The following PCDH11X variants were observed in gnomAD, a reference collection of about 807,000 sequenced individuals.
The protein encoded by PCDH11X is protocadherin-11 X-linked.
A neutral mutation model predicts 53.3 loss-of-function variants in PCDH11X; 18 were observed. The ratio of observed to expected loss-of-function variants is 0.34; its 90% confidence interval spans 0.23 to 0.50. The LOEUF is 0.50. Among genes scored for constraint, PCDH11X ranks in the 20% least tolerant of loss-of-function variants. The probability of loss-of-function intolerance (pLI) is 0.98; values close to 1 mark genes in which losing one functional copy is unlikely to be tolerated. For missense variants in PCDH11X, 570 were observed against 1,032.4 expected, an observed-to-expected ratio of 0.55 and a Z score of 6.14; for synonymous variants, 279 against 393.3, an observed-to-expected ratio of 0.71 and a Z score of 3.44.
chrX:92,130,270 C>T (rs915870134), intron 6 of PCDH11X, among the ~76,000 whole-genome samples: 2 of 111,066 alleles, frequency 1.8e-5, no homozygotes, highest in Non-Finnish European at 3.8e-5. Flanking sequence ...AATTCCTTGA[C>T]TAGCCATCTA....
intron 10 of PCDH11X, among the ~76,000 whole-genome samples, chrX:92,559,833 C>A (rs968193955): frequency 9.0e-6 from 1 of 110,631 alleles, no homozygotes; most frequent in Non-Finnish European, 1.9e-5. Context: ...CATCACAAAC[C>A]GAATTGCTCG....
At chrX:91,939,805 A>G (rs1399162524) in intron 6 of PCDH11X, among the ~76,000 whole-genome samples, 2 of 111,271 alleles carry the variant, frequency 1.8e-5, no homozygotes, top group African/African-American at 3.3e-5. Flanking sequence ...CAAAAGTTGA[A>G]AGAATTTATC....
intron 7 of PCDH11X, among the ~76,000 whole-genome samples, chrX:92,222,164 A>G (rs2066894693): frequency 9.1e-6 from 1 of 110,169 alleles, no homozygotes; most frequent in Admixed American, 9.7e-5. Context: ...TTAAAGGATT[A>G]TACAATGGCA....
At chrX:92,063,474 A>T (rs1386471770) in intron 6 of PCDH11X, among the ~76,000 whole-genome samples, 17 of 110,719 alleles carry the variant, frequency 1.5e-4, no homozygotes, top group Admixed American at 1.9e-4. Flanking sequence ...TATTCCTTAG[A>T]TTTCTTGGAT....
In PCDH11X at chrX:92,217,474, A is replaced by G. The variant is rs1336722350; in HGVS notation, c.3114+16019A>G. On this transcript the variant is annotated intron_variant, in intron 7 of 10. Transcript: ENST00000682573. ...ACAAAGAAGGCCATTACATAATGGT[A>G]AAGGGATCAATTCAACAAGAAGAGC... is the stretch of plus-strand genomic sequence containing the variant. Among the ~76,000 whole-genome samples the G allele has an allele frequency of 3.1e-3, 305 of 98,866 alleles. 4 individuals carry two copies. The highest frequency in any genetic ancestry group is 0.011 in the African/African-American group (295 of 27,137). 85.9% of individuals were successfully genotyped at this position (98,866 alleles called of 115,157 possible).
intron 5 of PCDH11X, among the ~76,000 whole-genome samples, chrX:91,838,652 G>T (rs1937390022): frequency 9.1e-6 from 1 of 109,402 alleles, no homozygotes; most frequent in Non-Finnish European, 1.9e-5. Context: ...TTTACAATGT[G>T]AAATAAGTAG....
chrX:92,125,317 G>A (rs1265892610), intron 6 of PCDH11X, among the ~76,000 whole-genome samples: 1 of 111,669 alleles, frequency 9.0e-6, no homozygotes, highest in African/African-American at 3.3e-5. Flanking sequence ...TCCTATAAAG[G>A]TCTCAAAAAT....
intron 10 of PCDH11X, among the ~76,000 whole-genome samples, chrX:92,481,454 G>A (rs1438343175): frequency 1.8e-5 from 2 of 111,090 alleles, no homozygotes; most frequent in Non-Finnish European, 3.8e-5. Context: ...CTAGTGCATG[G>A]CCATGGGCTT....
intron 5 of PCDH11X, among the ~76,000 whole-genome samples, chrX:91,839,307 C>T (rs1361654343): frequency 9.2e-6 from 1 of 108,578 alleles, no homozygotes; most frequent in Non-Finnish European, 1.9e-5. Flanking sequence ...TGATACAAAA[C>T]GAAAAGAGTG....
Position 92,280,818 on chromosome X carries a change from G to A in PCDH11X, c.3144+17675G>A, listed in dbSNP as rs751173662. On this transcript the variant is annotated intron_variant, in intron 8 of 10. Transcript: ENST00000682573. ...AAAAAAAATTGACATTAGTAAACTG[G>A]GGAGAAAACTTTACCATTTACAGTA... Among the ~76,000 whole-genome samples, 120 of 110,336 alleles carry A rather than the reference G, an allele frequency of 1.1e-3. 1 individual carries two copies. The highest frequency in any genetic ancestry group is 3.8e-3 in the African/African-American group (115 of 30,422).
At chrX:92,061,218 T>C (rs1253211609) in intron 6 of PCDH11X, among the ~76,000 whole-genome samples, 1 of 111,661 alleles carries the variant, frequency 9.0e-6, no homozygotes, top group Non-Finnish European at 1.9e-5. Flanking sequence ...ACTTTGTAGA[T>C]TCTGGATATA....
At position 91,871,320 on chromosome X, in the gene PCDH11X, A is replaced by G. The variant is rs5984132; in HGVS notation, c.541-5461A>G. 4.3e-3 allele frequency among the ~76,000 whole-genome samples: 459 copies of G among 107,174 alleles called. 1 individual carries two copies. Among genetic ancestry groups the G allele is most frequent in the African/African-American group, 0.015 (441 of 29,229 alleles). 93.1% of individuals were successfully genotyped at this position (107,174 alleles called of 115,157 possible). A position where few individuals can be genotyped will look rare whatever the true frequency, so the allele number is the denominator to read the frequency against. ...AAAGATGTATCAGTAATACTAAGAG[A>G]AAAGTGAAAAAAAATTAAATATCAG... On this transcript the variant is annotated intron_variant, in intron 5 of 10. Coordinates refer to ENST00000682573, the MANE Select transcript of PCDH11X (RefSeq NM_032968.5).
chrX:91,902,572 A>C (rs1940996295), intron 6 of PCDH11X, among the ~76,000 whole-genome samples: 2 of 107,692 alleles, frequency 1.9e-5, no homozygotes, highest in Non-Finnish European at 3.8e-5. Flanking sequence ...TGTTTTATAT[A>C]TAACCTATAT....
intron 10 of PCDH11X, among the ~76,000 whole-genome samples, chrX:92,522,536 C>A (rs2074385631): frequency 9.0e-6 from 1 of 111,009 alleles, no homozygotes; most frequent in Non-Finnish European, 1.9e-5. Flanking sequence ...AAAGTAAGCA[C>A]ACGCTGTTAG....
chrX:92,102,463 G>C (rs1213144765), intron 6 of PCDH11X, among the ~76,000 whole-genome samples: 50 of 110,055 alleles, frequency 4.5e-4, no homozygotes, highest in African/African-American at 1.6e-3. Context: ...AGGAGTTGTT[G>C]TTTTGTAAGG....
At chrX:91,794,428 T>G (rs764082604) in intron 1 of PCDH11X, among the ~76,000 whole-genome samples, 1 of 111,509 alleles carries the variant, frequency 9.0e-6, no homozygotes, top group East Asian at 2.8e-4. Flanking sequence ...CTAGGAATTA[T>G]GTAGTGATTT....
chrX:92,439,928 T>A (rs1171593480), intron 9 of PCDH11X, among the ~76,000 whole-genome samples: 1 of 61,972 alleles, frequency 1.6e-5, no homozygotes, highest in Non-Finnish European at 3.7e-5. Context: ...GGAGTACAGT[T>A]ACATTTCAGA....
chrX:91,860,028 T>A (rs1054296241), intron 5 of PCDH11X, among the ~76,000 whole-genome samples: 2 of 109,655 alleles, frequency 1.8e-5, no homozygotes, highest in African/African-American at 3.3e-5. Context: ...TTAATGGGAA[T>A]ACCATCTATA....
intron 8 of PCDH11X, among the ~76,000 whole-genome samples, chrX:92,295,098 A>T (rs1192117917): frequency 9.7e-6 from 1 of 102,597 alleles, no homozygotes; most frequent in Non-Finnish European, 2.0e-5. Context: ...TGAAACCAAA[A>T]GTATTGAGAA....
Sources: gnomAD v4.1 joint callset for allele counts (sites outside exome capture counted in the v4.1 genomes callset) on GRCh38, gnomAD v4.1.1 for gene constraint, MANE v1.5 for transcripts, NCBI Gene and HGNC (gene_info 2026-07-23, HGNC 2026-07-21) for gene names.